The following ALOXE3 variants were observed in gnomAD, a reference collection of about 807,000 sequenced individuals.
ALOXE3 encodes the protein hydroperoxide isomerase ALOXE3.
Under a neutral mutation model 87.5 loss-of-function variants are expected in ALOXE3, and 78 were observed. The observed-to-expected ratio is 0.89, with a 90% confidence interval of 0.74 to 1.08. The LOEUF (loss-of-function observed/expected upper bound fraction) is 1.08, where lower values mean the gene tolerates loss of function less well. Ranked by LOEUF, ALOXE3 falls within the 50% of genes least tolerant of loss-of-function variation. The pLI, the probability that ALOXE3 is intolerant of heterozygous loss-of-function variation, is 0.00. For synonymous variants in ALOXE3, 363 were observed against 370.8 expected (o/e 0.98, Z 0.24); for missense variants, 946 against 912.4 (o/e 1.04, Z -0.47).
At position 8,114,511 on chromosome 17, in the gene ALOXE3, A is replaced by T. The variant is rs376267563; in HGVS notation, c.653T>A (p.Ile218Asn). The change falls in exon 6 of 16, where the codon ATC becomes AAC. Residue 218 changes from isoleucine to asparagine, a missense_variant. Coordinates refer to ENST00000448843, the MANE Select transcript of ALOXE3 (RefSeq NM_021628.3). Reference protein sequence around the residue: ...PNVRYSATKTISLLFNAIPAS... With the variant: ...PNVRYSATKTNSLLFNAIPAS... ...AGGGATGGCATTGAAGAGCAGCGAG[A>T]TCGTCTTGGTGGCTGAGTATCGAAC... 13 of 1,613,936 alleles carry T rather than the reference A, an allele frequency of 8.1e-6. No homozygotes were observed. The South Asian group carries it at 1.3e-4, about 16-fold the overall frequency.
rs546470352 is a variant in ALOXE3 at position 8,097,756 on chromosome 17, T to G, written c.1957-950A>C. ...TGCCAATACTACTGATCTTTTTTTT[T>G]TTTTTTTTTGAGACAGAGTCTCGCA... On this transcript the variant is annotated intron_variant, in intron 15 of 15. Transcript: ENST00000448843. 1.0e-3 allele frequency among the ~76,000 whole-genome samples: 151 copies of G among 151,584 alleles called. 1 individual carries two copies. The highest frequency in any genetic ancestry group is 3.6e-3 in the African/African-American group (148 of 41,324).
chr17:8,108,979 AC>A (rs1013723336), intron 12 of ALOXE3, among the ~76,000 whole-genome samples, 194 bp downstream of exon 12: 1 of 150,406 alleles, frequency 6.6e-6, no homozygotes, highest in African/African-American at 2.5e-5. Context: ...GCATCCACAC[AC>A]CCCCAAGCCC....
intron 8 of ALOXE3, among the ~76,000 whole-genome samples, chr17:8,110,819 C>A (rs1704200653): frequency 6.6e-6 from 1 of 152,194 alleles, no homozygotes; most frequent in Non-Finnish European, 1.5e-5. Flanking sequence ...CAGATGGAAT[C>A]CCCTTCTGAC....
At chr17:8,117,012 G>T (rs1231195375) in intron 2 of ALOXE3, 32 bp from the exon 3 acceptor site, 1 of 1,602,446 alleles carries the variant, frequency 6.2e-7, no homozygotes, top group Non-Finnish European at 8.5e-7. Context: ...GCAGGTGAGA[G>T]GCGGGGAACT....
At chr17:8,100,806 T>C (rs1465759290) in intron 15 of ALOXE3, among the ~76,000 whole-genome samples, 1 of 152,008 alleles carries the variant, frequency 6.6e-6, no homozygotes, top group Non-Finnish European at 1.5e-5. Flanking sequence ...TCTAAAACTG[T>C]AGTATAGCCA....
intron 2 of ALOXE3, 35 bp downstream of exon 2, chr17:8,117,809 C>A (rs1712116901): frequency 6.2e-7 from 1 of 1,603,162 alleles, no homozygotes; most frequent in African/African-American, 1.3e-5. Flanking sequence ...CCCTGCCCCT[C>A]TGAGGTCGCG....
chr17:8,102,997 A>G (rs147394008), intron 15 of ALOXE3, among the ~76,000 whole-genome samples: 57 of 152,338 alleles, frequency 3.7e-4, no homozygotes, highest in African/African-American at 1.3e-3. Context: ...GGTCTCAGCC[A>G]GCGTTATAGG....
At chr17:8,115,111 T>G in intron 4 of ALOXE3, 54 bp from the exon 5 acceptor site, 2 of 1,609,628 alleles carry the variant, frequency 1.2e-6, no homozygotes, top group Non-Finnish European at 1.7e-6. Flanking sequence ...TAAACACAAG[T>G]CTTAGCTTTA....
At chr17:8,105,733 T>C (rs1275666634) in intron 13 of ALOXE3, among the ~76,000 whole-genome samples, 1 of 151,802 alleles carries the variant, frequency 6.6e-6, no homozygotes, top group Non-Finnish European at 1.5e-5. Context: ...CAAGACCTTG[T>C]CTCTAAAAAA....
At position 8,103,397 on chromosome 17, in the gene ALOXE3, T is replaced by C. The variant is rs1352208404; in HGVS notation, c.1882A>G (p.Thr628Ala). 4 of 1,613,504 alleles carry C rather than the reference T, an allele frequency of 2.5e-6. No homozygotes were observed. The highest frequency in any genetic ancestry group is 3.4e-6 in the Non-Finnish European group (4 of 1,179,910). The change falls in exon 15 of 16, where the codon ACC (threonine) becomes GCC (alanine). Residue 628 changes from threonine (T) to alanine (A), a missense_variant. Transcript: ENST00000448843. ...GTTTLKTYLD[T>A]LPEVNISCNN... ...CAGCTGATGTTCACTTCAGGGAGGG[T>C]GTCTAGGTAAGTCTTCAGGGTGGTG...
intron 7 of ALOXE3, 87 bp downstream of exon 7, chr17:8,112,006 G>T: frequency 8.1e-7 from 1 of 1,239,466 alleles, no homozygotes; most frequent in Non-Finnish European, 1.2e-6. Flanking sequence ...GGAGGGCTGG[G>T]AGAGGGCCCT....
At chr17:8,118,558 C>G, upstream of ALOXE3, 4 of 1,526,942 alleles carry the variant, frequency 2.6e-6, no homozygotes, top group Non-Finnish European at 3.5e-6. Context: ...ATAAATCACA[C>G]GTGACTGCAG....
At chr17:8,101,528 A>C (rs1366024878) in intron 15 of ALOXE3, among the ~76,000 whole-genome samples, 1 of 152,164 alleles carries the variant, frequency 6.6e-6, no homozygotes, top group Non-Finnish European at 1.5e-5. Context: ...CTTATCTGTC[A>C]TCCCTCTGGG....
intron 12 of ALOXE3, among the ~76,000 whole-genome samples, chr17:8,108,957 C>A (rs879100683): frequency 6.6e-6 from 1 of 152,306 alleles, no homozygotes; most frequent in East Asian, 1.9e-4. Flanking sequence ...CTGGACACCC[C>A]CTCCTTCCCC....
At chr17:8,110,913 C>T (rs927715732) in intron 8 of ALOXE3, among the ~76,000 whole-genome samples, 1 of 152,196 alleles carries the variant, frequency 6.6e-6, no homozygotes, top group Admixed American at 6.5e-5. Flanking sequence ...GAGGAGAATG[C>T]CTGAGGGCTT....
intron 11 of ALOXE3, 25 bp downstream of exon 11, chr17:8,109,891 C>G (rs1457037735): frequency 1.3e-6 from 2 of 1,544,718 alleles, no homozygotes; most frequent in Non-Finnish European, 1.7e-6. Context: ...GGGCGGAGAT[C>G]AGTGACCCGG....
chr17:8,112,044 A>C (rs1316642588), intron 7 of ALOXE3, 49 bp downstream of exon 7: 1 of 1,518,798 alleles, frequency 6.6e-7, no homozygotes, highest in Non-Finnish European at 9.1e-7. Context: ...AAGGGGTCTG[A>C]GCATGAGATA....
At chr17:8,107,302 A>G (rs1255213765) in intron 13 of ALOXE3, among the ~76,000 whole-genome samples, 2 of 152,198 alleles carry the variant, frequency 1.3e-5, no homozygotes, top group Non-Finnish European at 2.9e-5. Flanking sequence ...AGATCACCTG[A>G]GGTCAGGAGT....
intron 13 of ALOXE3, among the ~76,000 whole-genome samples, chr17:8,107,182 A>T (rs1979379751): frequency 1.3e-5 from 2 of 152,208 alleles, no homozygotes; most frequent in South Asian, 4.1e-4. Flanking sequence ...ACTGATCATG[A>T]TTAATAGCAG....
Sources: allele counts gnomAD v4.1 joint callset (sites outside exome capture counted in the v4.1 genomes callset), GRCh38; gene constraint gnomAD v4.1.1; transcripts MANE v1.5; gene names NCBI Gene and HGNC (gene_info 2026-07-23, HGNC 2026-07-21).